Variants in ACBD3 observed in about 807,000 individuals in gnomAD.
ACBD3 encodes Golgi resident protein GCP60.
In ACBD3, 30 loss-of-function variants were observed where a neutral mutation model predicts 66.9. The ratio of observed to expected loss-of-function variants is 0.45; its 90% CI spans 0.34 to 0.61. The LOEUF is 0.61. Ranked by LOEUF, ACBD3 falls within the 20% of genes least tolerant of loss-of-function variation. The pLI is 0.02. For synonymous variants in ACBD3, 278 were observed against 259.8 expected (o/e 1.07, Z -0.68); for missense variants, 544 against 664.5 (o/e 0.82, Z 1.99).
chr1:226,158,616 C>T (rs1395398903), intron 5 of ACBD3, among the ~76,000 whole-genome samples: 1 of 152,222 alleles, frequency 6.6e-6, no homozygotes, highest in Admixed American at 6.5e-5. Flanking sequence ...TGTTATGAGA[C>T]TCCCAGTCCC....
chr1:226,162,998 GC>G (rs1659799417), intron 3 of ACBD3, among the ~76,000 whole-genome samples: 1 of 151,422 alleles, frequency 6.6e-6, no homozygotes, highest in Admixed American at 6.6e-5. Context: ...ATGGGGTTTT[GC>G]CACGTTGCCC....
chr1:226,172,140 A>T (rs950693947), intron 1 of ACBD3, among the ~76,000 whole-genome samples: 2 of 111,630 alleles, frequency 1.8e-5, no homozygotes, highest in African/African-American at 7.1e-5. Flanking sequence ...GGGAAACAAG[A>T]GCAAAACTCC....
intron 1 of ACBD3, among the ~76,000 whole-genome samples, chr1:226,173,243 C>A (rs1655897094): frequency 6.6e-6 from 1 of 152,112 alleles, no homozygotes; most frequent in Non-Finnish European, 1.5e-5. Context: ...TGCACTCCAG[C>A]CTGAGTGACA....
At chr1:226,177,524 G>C (rs944319930) in intron 1 of ACBD3, among the ~76,000 whole-genome samples, 3 of 151,744 alleles carry the variant, frequency 2.0e-5, no homozygotes, top group Non-Finnish European at 4.4e-5. Context: ...CAGTACCATT[G>C]TAGCTGTCAT....
chr1:226,158,207 T>C (rs902362115), intron 5 of ACBD3, among the ~76,000 whole-genome samples: 2 of 152,212 alleles, frequency 1.3e-5, no homozygotes, highest in Admixed American at 6.5e-5. Context: ...TTTAAAGAGT[T>C]TGGCAAAAAC....
chr1:226,170,620 A>T (rs1023774842), intron 1 of ACBD3, among the ~76,000 whole-genome samples: 10 of 151,312 alleles, frequency 6.6e-5, no homozygotes, highest in African/African-American at 1.9e-4. Context: ...CACACACAAA[A>T]TTTTTTTTTG....
chr1:226,155,570 G>T (rs1659657012), intron 5 of ACBD3, among the ~76,000 whole-genome samples: 1 of 152,068 alleles, frequency 6.6e-6, no homozygotes, highest in Admixed American at 6.5e-5. Flanking sequence ...ATTAAACTTG[G>T]TGGGAATAGT....
chr1:226,186,045 A>G (rs994865954), intron 1 of ACBD3, among the ~76,000 whole-genome samples: 2 of 152,234 alleles, frequency 1.3e-5, no homozygotes, highest in African/African-American at 4.8e-5. Flanking sequence ...TAATAATAAT[A>G]AAAGGCAATC....
chr1:226,175,200 A>T (rs978390049), intron 1 of ACBD3, among the ~76,000 whole-genome samples: 1 of 152,194 alleles, frequency 6.6e-6, no homozygotes, highest in Admixed American at 6.5e-5. Flanking sequence ...TTTTATGCCC[A>T]ATCAAATAAA....
intron 6 of ACBD3, among the ~76,000 whole-genome samples, chr1:226,153,357 A>G (rs1576230164): frequency 6.6e-6 from 1 of 152,338 alleles, no homozygotes; most frequent in African/African-American, 2.4e-5. Context: ...TAAACAGACA[A>G]GGAAGATCTC....
intron 2 of ACBD3, 149 bp from the exon 3 acceptor site, chr1:226,165,078 T>C (rs1351337353): frequency 8.8e-6 from 7 of 792,140 alleles, no homozygotes; most frequent in Non-Finnish European, 1.3e-5. Context: ...TTTTAACAAG[T>C]ATGTATTGAT....
Position 226,170,333 on chromosome 1 carries a change from A to ATTTTT in ACBD3, c.287-4338_287-4334dup, listed in dbSNP as rs71574563. On this transcript the variant is annotated intron_variant, in intron 1 of 7. Coordinates refer to ENST00000366812, the MANE Select transcript of ACBD3 (RefSeq NM_022735.4). ...CCACCACGCCCAGCTAATTTTTTGA[A>ATTTTT]TTTTTTTTTTTTTTTTTTTTTTAGT... Among the ~76,000 whole-genome samples, 208 of 109,794 alleles carry ATTTTT rather than the reference A, an allele frequency of 1.9e-3. 5 individuals are homozygous for ATTTTT. Among genetic ancestry groups the ATTTTT allele is most frequent in the Middle Eastern group, 4.6e-3 (1 of 218 alleles). 72.0% of individuals were successfully genotyped at this position (109,794 alleles called of 152,430 possible). A position where few individuals can be genotyped will look rare whatever the true frequency, so the allele number is the denominator to read the frequency against.
chr1:226,173,955 G>T (rs1278381536), intron 1 of ACBD3, among the ~76,000 whole-genome samples: 2 of 151,334 alleles, frequency 1.3e-5, no homozygotes, highest in East Asian at 3.9e-4. Flanking sequence ...TACAGAAGGG[G>T]TTTCACCATG....
At chr1:226,183,317 A>AG (rs1476077161) in intron 1 of ACBD3, among the ~76,000 whole-genome samples, 1 of 152,066 alleles carries the variant, frequency 6.6e-6, no homozygotes, top group Non-Finnish European at 1.5e-5. Context: ...CTGGGACTAT[A>AG]GGCGCCTGCC....
chr1:226,167,914 T>C (rs1449510245), intron 1 of ACBD3, among the ~76,000 whole-genome samples: 2 of 152,168 alleles, frequency 1.3e-5, no homozygotes, highest in Non-Finnish European at 2.9e-5. Context: ...AAAAGTTAGA[T>C]AACATCTAAA....
chr1:226,181,979 C>G (rs1284313881), intron 1 of ACBD3, among the ~76,000 whole-genome samples: 2 of 152,116 alleles, frequency 1.3e-5, no homozygotes, highest in Non-Finnish European at 2.9e-5. Flanking sequence ...GCCTGTAATC[C>G]CAGCACTTTG....
intron 5 of ACBD3, among the ~76,000 whole-genome samples, chr1:226,158,165 G>A (rs1254676283): frequency 6.6e-6 from 1 of 152,170 alleles, no homozygotes; most frequent in Non-Finnish European, 1.5e-5. Context: ...AGGAGAAAAG[G>A]TTGTTTAGTA....
chr1:226,181,787 C>A (rs572696516), intron 1 of ACBD3, among the ~76,000 whole-genome samples: 33 of 152,236 alleles, frequency 2.2e-4, no homozygotes, highest in African/African-American at 7.9e-4. Flanking sequence ...GAAAAGTCCA[C>A]CCCAAAGAAC....
chr1:226,184,611 T>C (rs956164301), intron 1 of ACBD3, among the ~76,000 whole-genome samples: 2 of 152,168 alleles, frequency 1.3e-5, no homozygotes, highest in Non-Finnish European at 2.9e-5. Flanking sequence ...TCTGGAAAAG[T>C]TAATTGTCTA....
Sources: gnomAD v4.1 joint callset for allele counts (sites outside exome capture counted in the v4.1 genomes callset) on GRCh38, gnomAD v4.1.1 for gene constraint, MANE v1.5 for transcripts, NCBI Gene and HGNC (gene_info 2026-07-23, HGNC 2026-07-21) for gene names.